The following RNMT variants were observed in gnomAD, a reference collection of about 807,000 sequenced individuals.
RNMT encodes RNA guanine-7 methyltransferase.
Under a neutral mutation model 56.0 loss-of-function variants are expected in RNMT, and 27 were observed. The ratio of observed to expected loss-of-function variants is 0.48; its 90% CI spans 0.36 to 0.67. RNMT has a LOEUF of 0.67. RNMT is among the 30% of genes least tolerant of loss of function. RNMT has a pLI of 0.00. For missense variants in RNMT, 519 were observed against 552.1 expected (o/e 0.94, Z 0.60); for synonymous variants, 184 against 176.2 (o/e 1.04, Z -0.35).
At chr18:13,751,778 C>T (rs919607569) in intron 9 of RNMT, among the ~76,000 whole-genome samples, 1 of 152,160 alleles carries the variant, frequency 6.6e-6, no homozygotes, top group African/African-American at 2.4e-5. Flanking sequence ...CCATGGAATA[C>T]TATGCAGCCA....
At chr18:13,744,159 C>CTTTATTTTTTTTTTTT in intron 8 of RNMT, among the ~76,000 whole-genome samples, 1 of 91,398 alleles carries the variant, frequency 1.1e-5, no homozygotes, top group Non-Finnish European at 2.2e-5. Context: ...TAGCGGTCTT[C>CTTTATTTTTTTTTTTT]TTTTTTTTTT....
intron 11 of RNMT, among the ~76,000 whole-genome samples, chr18:13,756,078 C>T (rs762993058): frequency 2.6e-5 from 4 of 152,138 alleles, no homozygotes; most frequent in Non-Finnish European, 5.9e-5. Context: ...CATCACGAGT[C>T]TAAAAGGCCC....
intron 4 of RNMT, 108 bp from the exon 5 acceptor site, chr18:13,736,902 T>G: frequency 7.8e-6 from 7 of 893,954 alleles, no homozygotes; most frequent in Non-Finnish European, 1.2e-5. Flanking sequence ...TGTGTAATAG[T>G]TTATGTTACA....
chr18:13,752,193 A>G lies in RNMT; in HGVS notation c.1258-133A>G, dbSNP rs2044460797. ...TAATTTTTTTCTGTATTTCAAAAGT[A>G]TGTATAGTTTGTATTCCTGAAGTAG... On this transcript the variant is annotated intron_variant, in intron 9 of 11. Transcript: ENST00000383314. The G allele has an allele frequency of 1.6e-5, 10 of 609,426 alleles. No individual in the cohort carries two copies. The South Asian group carries it at 2.3e-4, about 14-fold the overall frequency. The allele number at this position is 609,426 out of a possible 1,614,324, so 37.8% of individuals were successfully genotyped here.
chr18:13,728,120 G>A (rs2043994827), intron 1 of RNMT, among the ~76,000 whole-genome samples: 1 of 151,888 alleles, frequency 6.6e-6, no homozygotes, highest in South Asian at 2.1e-4. Context: ...ATCGGACAGG[G>A]GATTAACAAC....
chr18:13,734,422 T>G, intron 3 of RNMT, 42 bp from the exon 4 acceptor site: 1 of 1,560,248 alleles, frequency 6.4e-7, no homozygotes, highest in Non-Finnish European at 8.7e-7. Flanking sequence ...ATTTTTACCA[T>G]GTTCTGATCC....
At chr18:13,728,524 C>T (rs1284808476) in intron 1 of RNMT, among the ~76,000 whole-genome samples, 4 of 151,694 alleles carry the variant, frequency 2.6e-5, no homozygotes, top group African/African-American at 9.7e-5. Flanking sequence ...TTGGTAGAGA[C>T]GGGGTTTCAC....
chr18:13,742,340 A>T, intron 7 of RNMT, 148 bp from the exon 8 acceptor site: 1 of 564,584 alleles, frequency 1.8e-6, no homozygotes, highest in Non-Finnish European at 2.8e-6. Flanking sequence ...GTCACTTTAA[A>T]AAAAAAAAAA....
chr18:13,752,439 T>C lies in RNMT; in HGVS notation c.1359+12T>C. The C allele has an allele frequency of 6.8e-7, 1 of 1,481,308 alleles. No homozygotes were observed. Among genetic ancestry groups the C allele is most frequent in the Non-Finnish European group, 9.4e-7 (1 of 1,060,696 alleles). 91.8% of individuals were successfully genotyped at this position (1,481,308 alleles called of 1,614,324 possible). A position where few individuals can be genotyped will look rare whatever the true frequency, so the allele number is the denominator to read the frequency against. ...TAAGGTTACCTTTGGTAAGTTTTAA[T>C]TTATGAAAGTATTTTATAGAGAATG... On this transcript the variant is annotated intron_variant, in intron 10 of 11. Transcript: ENST00000383314.
At chr18:13,732,675 AAGTGACTGAT>A (rs949681941) in intron 3 of RNMT, among the ~76,000 whole-genome samples, 1 of 151,910 alleles carries the variant, frequency 6.6e-6, no homozygotes, top group Non-Finnish European at 1.5e-5. Flanking sequence ...CTTATGAGGA[AAGTGACTGAT>A]AGTGAGGCTT....
intron 6 of RNMT, 60 bp from the exon 7 acceptor site, chr18:13,741,450 A>G (rs115115381): frequency 0.019 from 22,530 of 1,213,790 alleles, 241 homozygotes; most frequent in Middle Eastern, 0.042. Flanking sequence ...AATTTACTAA[A>G]AAGTTTTTAA....
chr18:13,742,939 G>A (rs2044276356), intron 8 of RNMT: 2 of 224,318 alleles, frequency 8.9e-6, no homozygotes. Context: ...TCAGCTTGTG[G>A]CACAAAATGC....
chr18:13,748,474 A>G (rs1422034016), intron 9 of RNMT, among the ~76,000 whole-genome samples: 1 of 152,214 alleles, frequency 6.6e-6, no homozygotes, highest in Non-Finnish European at 1.5e-5. Flanking sequence ...AGACCAGACC[A>G]GAGGTGGAAA....
chr18:13,746,342 G>A lies in RNMT; in HGVS notation c.1257+5G>A. ...AAACGAATGCAGGCCTTGGAGGTGA[G>A]TATTTAGAAAAGATGTACAAATTTC... is the stretch of plus-strand genomic sequence containing the variant. On this transcript the variant is annotated splice_donor_5th_base_variant and intron_variant, in intron 9 of 11. Coordinates refer to ENST00000383314, the MANE Select transcript of RNMT (RefSeq NM_003799.3). 1 of 1,442,508 alleles carries A rather than the reference G, an allele frequency of 6.9e-7. No homozygotes were observed. Among genetic ancestry groups the A allele is most frequent in the Non-Finnish European group, 9.6e-7 (1 of 1,037,830 alleles). 89.4% of individuals were successfully genotyped at this position (1,442,508 alleles called of 1,614,324 possible). A position where few individuals can be genotyped will look rare whatever the true frequency, so the allele number is the denominator to read the frequency against.
intron 11 of RNMT, among the ~76,000 whole-genome samples, chr18:13,757,939 T>C (rs573312680): frequency 6.6e-6 from 1 of 152,348 alleles, no homozygotes; most frequent in Non-Finnish European, 1.5e-5. Flanking sequence ...GATGTTGTAT[T>C]AGCAGCCATG....
Position 13,726,700 on chromosome 18 carries a change from C to A in RNMT, c.-201C>A, listed in dbSNP as rs899999136. On this transcript the variant is annotated 5_prime_UTR_variant, in exon 1 of 12. Coordinates refer to ENST00000383314, the MANE Select transcript of RNMT (RefSeq NM_003799.3). ...ACACGCGTGGCGCGGGCCGCCGTTTCCGCAAACAGAATCGCGTTTGGCTGT... is the reference window on the plus strand; with the variant it reads ...ACACGCGTGGCGCGGGCCGCCGTTTACGCAAACAGAATCGCGTTTGGCTGT... The A allele has an allele frequency of 2.0e-5, 3 of 152,310 alleles. No individual in the cohort carries two copies. Among genetic ancestry groups the A allele is most frequent in the Non-Finnish European group, 4.4e-5 (3 of 68,110 alleles). The allele number at this position is 152,310 out of a possible 1,614,324, so 9.4% of individuals were successfully genotyped here.
chr18:13,763,468 A>G lies in RNMT; in HGVS notation c.*3489A>G, dbSNP rs1361318834. The G allele has an allele frequency of 5.2e-5, 10 of 190,906 alleles. No individual in the cohort carries two copies. In the South Asian group the frequency reaches 1.1e-3, roughly 22 times the overall value. The allele number at this position is 190,906 out of a possible 1,614,324, so 11.8% of individuals were successfully genotyped here. A position where few individuals can be genotyped will look rare whatever the true frequency, so the allele number is the denominator to read the frequency against. On this transcript the variant is annotated 3_prime_UTR_variant, in exon 12 of 12. Transcript: ENST00000383314. ...GGTACTCTCCAGTTTGGCTGTGGAG[A>G]CTTGAGCAAGCCCTAAAGTCCCCTG...
rs142277511 is a variant in RNMT at position 13,732,762 on chromosome 18, T to TTTTTTTC, written c.417+828_417+829insTTTTTTC. On this transcript the variant is annotated intron_variant, in intron 3 of 11. Transcript: ENST00000383314. The stretch of plus-strand genomic sequence containing the variant: ...CCCCCCTTTTTTTTTTTTTTTTTTT[T>TTTTTTTC]GGAGACAGAGTCTCACTCTGTCTCC... Among the ~76,000 whole-genome samples the TTTTTTTC allele has an allele frequency of 1.2e-4, 12 of 98,688 alleles. 2 individuals are homozygous for TTTTTTTC. Among genetic ancestry groups the TTTTTTTC allele is most frequent in the Non-Finnish European group, 1.3e-4 (7 of 53,214 alleles). The allele number at this position is 98,688 out of a possible 152,430, so 64.7% of individuals were successfully genotyped here.
chr18:13,728,519 A>G lies in RNMT; in HGVS notation c.-172+1790A>G, dbSNP rs181116597. ...CCCGGCTGATTTTTGTGTTTTTGGT[A>G]GAGACGGGGTTTCACTATGTTGGCC... On this transcript the variant is annotated intron_variant, in intron 1 of 11. Transcript: ENST00000383314. 3.6e-3 allele frequency among the ~76,000 whole-genome samples: 554 copies of G among 151,826 alleles called. 3 individuals carry two copies. Among genetic ancestry groups the G allele is most frequent in the Admixed American group, 8.4e-3 (128 of 15,248 alleles).
Sources: gnomAD v4.1 joint callset for allele counts (sites outside exome capture counted in the v4.1 genomes callset) on GRCh38, gnomAD v4.1.1 for gene constraint, MANE v1.5 for transcripts, NCBI Gene and HGNC (gene_info 2026-07-23, HGNC 2026-07-21) for gene names.